FMN1: variants seen among roughly 807,000 people sequenced by gnomAD.
The protein encoded by FMN1 is formin 1, also known as formin-1.
FMN1 carries 110 observed loss-of-function variants against 132.4 expected under a neutral mutation model. That is an observed-to-expected ratio of 0.83 (90% CI 0.71 to 0.97). FMN1 has a LOEUF of 0.97. Among genes scored for constraint, FMN1 ranks in the 50% least tolerant of loss-of-function variants. The pLI is 0.00. For synonymous variants in FMN1, 722 were observed against 651.7 expected, an observed-to-expected ratio of 1.11 and a Z score of -1.64; for missense variants, 1,792 against 1,705.3, an observed-to-expected ratio of 1.05 and a Z score of -0.90.
chr15:32,832,186 G>A (rs1291589865), intron 17 of FMN1, among the ~76,000 whole-genome samples: 2 of 152,122 alleles, frequency 1.3e-5, no homozygotes, highest in East Asian at 1.9e-4. Flanking sequence ...ATTTTGCAGC[G>A]ATTTGTTATG....
chr15:33,054,072 C>T (rs1261934754), intron 6 of FMN1, among the ~76,000 whole-genome samples: 1 of 152,144 alleles, frequency 6.6e-6, no homozygotes, highest in Non-Finnish European at 1.5e-5. Flanking sequence ...TGTGAACCTT[C>T]CGGTGTCCAA....
At chr15:33,026,066 A>T (rs2035651469) in intron 6 of FMN1, among the ~76,000 whole-genome samples, 2 of 151,606 alleles carry the variant, frequency 1.3e-5, no homozygotes, top group African/African-American at 2.4e-5. Flanking sequence ...AATGGGGTTT[A>T]AAAAACCCAT....
intron 5 of FMN1, chr15:33,067,885 G>A (rs2037821775): frequency 2.5e-6 from 4 of 1,605,114 alleles, no homozygotes; most frequent in Non-Finnish European, 3.4e-6. Context: ...CGTTCTCCAT[G>A]TCTCAGTAAT....
chr15:32,862,471 G>A (rs567941110), intron 16 of FMN1, among the ~76,000 whole-genome samples: 1 of 152,312 alleles, frequency 6.6e-6, no homozygotes, highest in South Asian at 2.1e-4. Flanking sequence ...AGACTACATG[G>A]AGAATATTTT....
intron 6 of FMN1, among the ~76,000 whole-genome samples, chr15:33,040,773 T>C (rs891979972): frequency 1.3e-5 from 2 of 152,238 alleles, no homozygotes; most frequent in African/African-American, 4.8e-5. Context: ...TTATCGAAGT[T>C]CACTTCTACT....
chr15:32,963,473 T>A (rs1414292268), intron 9 of FMN1, among the ~76,000 whole-genome samples: 1 of 151,688 alleles, frequency 6.6e-6, no homozygotes, highest in Non-Finnish European at 1.5e-5. Flanking sequence ...TGTGCACATG[T>A]ACCCTAAAAC....
intron 6 of FMN1, among the ~76,000 whole-genome samples, chr15:33,051,835 C>T (rs562034684): frequency 1.6e-4 from 24 of 152,296 alleles, no homozygotes; most frequent in African/African-American, 2.6e-4. Flanking sequence ...CGCAAGACCC[C>T]GGAAGCATAC....
intron 6 of FMN1, among the ~76,000 whole-genome samples, chr15:33,053,188 C>T (rs12909281): frequency 0.025 from 3,750 of 152,274 alleles, 64 homozygotes; most frequent in African/African-American, 0.03. Flanking sequence ...TGGTGGACGC[C>T]AGCCAACTGC....
intron 3 of FMN1, among the ~76,000 whole-genome samples, chr15:33,163,864 C>G (rs1964995066): frequency 6.6e-6 from 1 of 152,036 alleles, no homozygotes; most frequent in Admixed American, 6.5e-5. Context: ...GTGATCCTCC[C>G]ACCTCAGCCT....
intron 7 of FMN1, among the ~76,000 whole-genome samples, chr15:32,976,878 C>G (rs1008866016): frequency 2.0e-5 from 3 of 152,190 alleles, no homozygotes; most frequent in Non-Finnish European, 4.4e-5. Context: ...AGAATCCAAA[C>G]CAACATGGCG....
intron 7 of FMN1, among the ~76,000 whole-genome samples, chr15:32,989,582 C>T (rs1032420809): frequency 1.3e-5 from 2 of 152,044 alleles, no homozygotes; most frequent in East Asian, 3.9e-4. Flanking sequence ...GAAAGAAAGC[C>T]AAGATAAATT....
chr15:33,120,507 A>C (rs1024768962), intron 4 of FMN1, among the ~76,000 whole-genome samples: 1 of 152,188 alleles, frequency 6.6e-6, no homozygotes, highest in African/African-American at 2.4e-5. Context: ...GCAACAAGGA[A>C]TTGTATAATC....
At chr15:33,129,502 A>C (rs1471564919) in intron 4 of FMN1, among the ~76,000 whole-genome samples, 1 of 152,184 alleles carries the variant, frequency 6.6e-6, no homozygotes, top group Non-Finnish European at 1.5e-5. Context: ...CTTTCAACTG[A>C]CAGGTTAAAC....
intron 17 of FMN1, among the ~76,000 whole-genome samples, chr15:32,820,839 G>A (rs2058192754): frequency 6.6e-6 from 1 of 152,024 alleles, no homozygotes; most frequent in Admixed American, 6.6e-5. Flanking sequence ...GCTTTTGCTT[G>A]TCTATTAACT....
intron 17 of FMN1, among the ~76,000 whole-genome samples, chr15:32,833,760 C>CT (rs896927694): frequency 6.6e-6 from 1 of 152,076 alleles, no homozygotes. Context: ...GAACCAGCTG[C>CT]TTTTTTCCCC....
intron 6 of FMN1, among the ~76,000 whole-genome samples, chr15:33,020,301 A>G (rs2035346746): frequency 6.6e-6 from 1 of 152,104 alleles, no homozygotes; most frequent in Admixed American, 6.5e-5. Context: ...CCACTACAGA[A>G]CTGACTGCTT....
chr15:33,123,547 C>T (rs982520018), intron 4 of FMN1, among the ~76,000 whole-genome samples: 2 of 152,122 alleles, frequency 1.3e-5, no homozygotes, highest in African/African-American at 4.8e-5. Context: ...ATCTATTTCA[C>T]CCTAAAACCA....
chr15:32,839,586 T>C (rs1052683430), intron 17 of FMN1, among the ~76,000 whole-genome samples: 1 of 152,146 alleles, frequency 6.6e-6, no homozygotes, highest in South Asian at 2.1e-4. Flanking sequence ...TAGTTTCTTT[T>C]ATCTGCCTAC....
intron 4 of FMN1, among the ~76,000 whole-genome samples, chr15:33,137,136 C>T (rs1432352259): frequency 6.8e-6 from 1 of 146,538 alleles, no homozygotes; most frequent in East Asian, 2.0e-4. Flanking sequence ...ATACCCTCCC[C>T]AAACAGGGAT....
Sources: allele counts gnomAD v4.1 joint callset (sites outside exome capture counted in the v4.1 genomes callset), GRCh38; gene constraint gnomAD v4.1.1; transcripts MANE v1.5; gene names NCBI Gene and HGNC (gene_info 2026-07-23, HGNC 2026-07-21).